Variants in GABRG3 observed in about 807,000 individuals in gnomAD.
The protein encoded by GABRG3 is gamma-aminobutyric acid type A receptor subunit gamma3, also known as gamma-aminobutyric acid receptor subunit gamma-3.
Under a neutral mutation model 48.8 loss-of-function variants are expected in GABRG3, and 25 were observed. The observed-to-expected ratio is 0.51, with a 90% CI of 0.37 to 0.72. The LOEUF (loss-of-function observed/expected upper bound fraction) is 0.72. Ranked by LOEUF, GABRG3 falls within the 30% of genes least tolerant of loss-of-function variation. The pLI is 0.00. For missense variants in GABRG3, 394 were observed against 577.9 expected, an observed-to-expected ratio of 0.68 and a Z score of 3.26; for synonymous variants, 227 against 217.6, an observed-to-expected ratio of 1.04 and a Z score of -0.38.
intron 2 of GABRG3, among the ~76,000 whole-genome samples, chr15:27,025,606 G>A (rs947962945): frequency 4.6e-5 from 7 of 152,292 alleles, no homozygotes; most frequent in East Asian, 1.9e-4. Context: ...TTTTCATTAC[G>A]TGAAGGTCTG....
intron 3 of GABRG3, among the ~76,000 whole-genome samples, chr15:27,260,217 C>A (rs1390789829): frequency 1.3e-5 from 2 of 152,134 alleles, no homozygotes; most frequent in Admixed American, 1.3e-4. Context: ...TCCCCTGAGG[C>A]CTCTCTCCTT....
intron 3 of GABRG3, among the ~76,000 whole-genome samples, chr15:27,261,091 C>T (rs56213208): frequency 0.068 from 10,292 of 151,964 alleles, 484 homozygotes; most frequent in South Asian, 0.12. Context: ...AAAACAAATA[C>T]GCAAACTTTA....
intron 3 of GABRG3, among the ~76,000 whole-genome samples, chr15:27,293,254 G>A (rs543040216): frequency 6.6e-6 from 1 of 152,208 alleles, no homozygotes; most frequent in East Asian, 1.9e-4. Context: ...ATTAGATTTA[G>A]AATTAATGGA....
At chr15:27,290,087 C>T (rs142039136) in intron 3 of GABRG3, among the ~76,000 whole-genome samples, 1 of 152,058 alleles carries the variant, frequency 6.6e-6, no homozygotes, top group Non-Finnish European at 1.5e-5. Flanking sequence ...CATGCTAAAA[C>T]AAAACAAAAC....
intron 5 of GABRG3, among the ~76,000 whole-genome samples, chr15:27,387,769 A>T: frequency 7.0e-6 from 1 of 142,572 alleles, no homozygotes; most frequent in Non-Finnish European, 1.5e-5. Flanking sequence ...TCATGACAGT[A>T]CAAAGTCAGT....
intron 3 of GABRG3, among the ~76,000 whole-genome samples, chr15:27,229,506 TCAC>T (rs1889732960): frequency 6.6e-6 from 1 of 151,964 alleles, no homozygotes; most frequent in Non-Finnish European, 1.5e-5. Flanking sequence ...GAAGGGGGTC[TCAC>T]TCTGTCACTC....
intron 3 of GABRG3, among the ~76,000 whole-genome samples, chr15:27,194,584 C>G (rs1275683870): frequency 2.0e-5 from 3 of 152,104 alleles, no homozygotes; most frequent in Admixed American, 1.3e-4. Context: ...ATATATTGTC[C>G]AATTTCCTTC....
chr15:27,053,135 A>G (rs901708638), intron 3 of GABRG3, among the ~76,000 whole-genome samples: 1 of 152,332 alleles, frequency 6.6e-6, no homozygotes, highest in Admixed American at 6.5e-5. Context: ...CTCAAAAGCA[A>G]TTGCAACAAA....
intron 5 of GABRG3, among the ~76,000 whole-genome samples, chr15:27,329,596 G>A (rs1893737039): frequency 6.6e-6 from 1 of 152,092 alleles, no homozygotes; most frequent in African/African-American, 2.4e-5. Flanking sequence ...AAGGTGATTT[G>A]TCTACCAAGT....
At chr15:27,166,416 G>C (rs1370832245) in intron 3 of GABRG3, among the ~76,000 whole-genome samples, 1 of 152,144 alleles carries the variant, frequency 6.6e-6, no homozygotes, top group Non-Finnish European at 1.5e-5. Flanking sequence ...TTGGGTTTTA[G>C]AGTGGTTTGT....
chr15:26,980,783 C>A (rs903181191), intron 2 of GABRG3, among the ~76,000 whole-genome samples: 1 of 151,568 alleles, frequency 6.6e-6, no homozygotes, highest in Non-Finnish European at 1.5e-5. Flanking sequence ...TAATTTCATC[C>A]CATGAATTTT....
intron 2 of GABRG3, among the ~76,000 whole-genome samples, chr15:26,996,793 G>C (rs1208502756): frequency 1.3e-5 from 2 of 151,942 alleles, no homozygotes; most frequent in Admixed American, 6.6e-5. Context: ...GGGACTACAG[G>C]CCCCTGCCAC....
chr15:27,388,319 A>T (rs1283078611), intron 5 of GABRG3, among the ~76,000 whole-genome samples: 6 of 37,018 alleles, frequency 1.6e-4, no homozygotes, highest in Non-Finnish European at 2.0e-4. Context: ...GGAGGGAGGG[A>T]AAAGAAGGAA....
In GABRG3 at chr15:26,976,227, G is replaced by A. The variant is rs988472395; in HGVS notation, c.54-775G>A. On this transcript the variant is annotated intron_variant, in intron 1 of 9. Coordinates refer to ENST00000615808, the MANE Select transcript of GABRG3 (RefSeq NM_033223.5). The surrounding 1 kb of genome is among the most constrained non-coding windows in gnomAD (Gnocchi z 7.8). ...AGAGGAGGCTGTCCAGCTCCTCCCT[G>A]CACAAAACAAGCTCAGAGATGCCCA... 6.6e-6 allele frequency among the ~76,000 whole-genome samples: 1 copy of A among 152,096 alleles called. No homozygotes were observed. The highest frequency in any genetic ancestry group is 2.4e-5 in the African/African-American group (1 of 41,416).
chr15:27,240,847 C>A (rs567675100), intron 3 of GABRG3, among the ~76,000 whole-genome samples: 1 of 152,228 alleles, frequency 6.6e-6, no homozygotes, highest in African/African-American at 2.4e-5. Flanking sequence ...CAGTTGATAC[C>A]ATTGTGTGTC....
intron 3 of GABRG3, among the ~76,000 whole-genome samples, chr15:27,107,315 CG>C (rs2140368426): frequency 6.6e-6 from 1 of 151,964 alleles, no homozygotes; most frequent in South Asian, 2.1e-4. Context: ...TGGGTAGAAT[CG>C]TATGGTTTTT....
At chr15:27,346,065 A>AAAAG (rs1231611439) in intron 5 of GABRG3, among the ~76,000 whole-genome samples, 1 of 2,986 alleles carries the variant, frequency 3.3e-4, no homozygotes, top group South Asian at 0.071. Flanking sequence ...AAAANNAAAA[A>AAAAG]AGAGAGAGAA....
intron 3 of GABRG3, among the ~76,000 whole-genome samples, chr15:27,162,314 CT>C (rs1197047603): frequency 6.6e-6 from 1 of 152,146 alleles, no homozygotes; most frequent in Admixed American, 6.5e-5. Flanking sequence ...CCTTGGGTAC[CT>C]GAGAAGGAGG....
chr15:27,293,292 T>C (rs990072685), intron 3 of GABRG3, among the ~76,000 whole-genome samples: 12 of 152,168 alleles, frequency 7.9e-5, no homozygotes, highest in African/African-American at 2.9e-4. Flanking sequence ...TGCAACATTA[T>C]ATAACAAAGA....
Sources: allele counts gnomAD v4.1 joint callset (sites outside exome capture counted in the v4.1 genomes callset), GRCh38; gene constraint gnomAD v4.1.1; non-coding constraint Gnocchi (gnomAD v3.1); transcripts MANE v1.5; gene names NCBI Gene and HGNC (gene_info 2026-07-23, HGNC 2026-07-21).